Variants in PTPRN2 observed in about 807,000 individuals in gnomAD.
The protein encoded by PTPRN2 is receptor-type tyrosine-protein phosphatase N2.
PTPRN2 carries 74 observed loss-of-function variants against 118.8 expected under a neutral mutation model. The ratio of observed to expected loss-of-function variants is 0.62; its 90% confidence interval spans 0.52 to 0.76. PTPRN2 has a LOEUF of 0.76. PTPRN2 is among the 30% of genes least tolerant of loss of function. The pLI is 0.00. For missense variants in PTPRN2, 1,481 were observed against 1,394.4 expected (o/e 1.06, Z -0.99); for synonymous variants, 641 against 608.0 (o/e 1.05, Z -0.80).
chr7:158,368,974 GT>G (rs1187560383), intron 2 of PTPRN2, among the ~76,000 whole-genome samples: 4 of 152,106 alleles, frequency 2.6e-5, no homozygotes, highest in Non-Finnish European at 4.4e-5. Flanking sequence ...TCACATTTGG[GT>G]CAGTGGACTG....
intron 3 of PTPRN2, 117 bp from the exon 4 acceptor site, chr7:158,205,390 T>A: frequency 1.4e-6 from 1 of 703,356 alleles, no homozygotes; most frequent in African/African-American, 1.8e-5. Context: ...ATCAGCAAAG[T>A]AAGCCTCCCT....
intron 11 of PTPRN2, among the ~76,000 whole-genome samples, chr7:158,075,351 T>C (rs1812258687): frequency 6.6e-6 from 1 of 152,132 alleles, no homozygotes; most frequent in Non-Finnish European, 1.5e-5. Context: ...AACCTCGCCA[T>C]AGTCCTTACC....
At chr7:158,040,293 A>T (rs1808356253) in intron 11 of PTPRN2, among the ~76,000 whole-genome samples, 1 of 152,188 alleles carries the variant, frequency 6.6e-6, no homozygotes, top group African/African-American at 2.4e-5. Flanking sequence ...GGTAAATACA[A>T]CACACACAAA....
intron 6 of PTPRN2, among the ~76,000 whole-genome samples, chr7:158,164,653 G>A (rs1438039590): frequency 1.3e-5 from 2 of 152,172 alleles, no homozygotes; most frequent in Non-Finnish European, 2.9e-5. Flanking sequence ...TGGGGGCGAC[G>A]ATGTTTATTG....
At position 157,840,368 on chromosome 7, in the gene PTPRN2, G is replaced by A. The variant is rs565501205; in HGVS notation, c.1788+58305C>T. On this transcript the variant is annotated intron_variant, in intron 12 of 22. Transcript: ENST00000389418. ...TGGCCGCGTGTGACTGTGTGGCCGC[G>A]TGTGACTGTGTGACCGCGTGTGACT... is the stretch of plus-strand genomic sequence containing the variant. 5.1e-3 allele frequency among the ~76,000 whole-genome samples: 731 copies of A among 144,552 alleles called. 10 individuals carry two copies. The highest frequency in any genetic ancestry group is 0.018 in the African/African-American group (673 of 37,502). 94.8% of individuals were successfully genotyped at this position (144,552 alleles called of 152,430 possible). A position where few individuals can be genotyped will look rare whatever the true frequency, so the allele number is the denominator to read the frequency against.
chr7:158,312,758 CTCA>C (rs1801953038), intron 3 of PTPRN2, among the ~76,000 whole-genome samples: 3 of 145,572 alleles, frequency 2.1e-5, no homozygotes, highest in South Asian at 2.3e-4. Context: ...CATTCACGTG[CTCA>C]TGTGTAGATA....
chr7:157,917,058 C>G (rs1030889683), intron 11 of PTPRN2, among the ~76,000 whole-genome samples: 9 of 149,236 alleles, frequency 6.0e-5, no homozygotes, highest in African/African-American at 2.0e-4. Context: ...AGGTCCCCAC[C>G]ATGGCAGGGG....
chr7:157,691,031 C>G (rs1282698750), intron 12 of PTPRN2, among the ~76,000 whole-genome samples: 2 of 139,578 alleles, frequency 1.4e-5, no homozygotes, highest in Non-Finnish European at 3.1e-5. Flanking sequence ...GGCGGCGGCG[C>G]GGCTCGCGGC....
At chr7:157,822,285 A>C (rs1371730442) in intron 12 of PTPRN2, among the ~76,000 whole-genome samples, 2 of 151,448 alleles carry the variant, frequency 1.3e-5, no homozygotes, top group East Asian at 3.9e-4. Context: ...TAATACACTC[A>C]TGCATCCATC....
intron 6 of PTPRN2, among the ~76,000 whole-genome samples, chr7:158,147,879 T>C (rs1820347709): frequency 7.3e-6 from 1 of 136,306 alleles, no homozygotes; most frequent in Non-Finnish European, 1.6e-5. Context: ...ACACCCCATC[T>C]CACGCCACGT....
At chr7:157,847,741 C>A (rs1340054303) in intron 12 of PTPRN2, among the ~76,000 whole-genome samples, 2 of 144,772 alleles carry the variant, frequency 1.4e-5, no homozygotes, top group African/African-American at 5.2e-5. Context: ...GTCTACAGAG[C>A]CCTCTCTCAC....
At chr7:158,581,726 G>A (rs1285994539) in intron 1 of PTPRN2, among the ~76,000 whole-genome samples, 1 of 152,152 alleles carries the variant, frequency 6.6e-6, no homozygotes, top group Non-Finnish European at 1.5e-5. Flanking sequence ...CAAAGGAAGT[G>A]AAATGCCCTC....
intron 2 of PTPRN2, among the ~76,000 whole-genome samples, chr7:158,329,922 G>A (rs1022530625): frequency 3.9e-5 from 6 of 152,034 alleles, no homozygotes; most frequent in Non-Finnish European, 8.8e-5. Flanking sequence ...CTGGCAGAGT[G>A]TCCTATTCTG....
chr7:158,412,846 C>G (rs1197912574), intron 2 of PTPRN2, among the ~76,000 whole-genome samples: 2 of 143,250 alleles, frequency 1.4e-5, no homozygotes, highest in African/African-American at 2.6e-5. Flanking sequence ...CCATCCAGTG[C>G]CCTCCTCAGC....
intron 12 of PTPRN2, among the ~76,000 whole-genome samples, chr7:157,697,970 C>A (rs71200514): frequency 6.0e-5 from 9 of 149,700 alleles, no homozygotes; most frequent in Admixed American, 1.3e-4. Flanking sequence ...TGGATCTTAG[C>A]AGAGCCCTCA....
rs906299559 is a variant in PTPRN2 at position 158,509,860 on chromosome 7, TTAGA to T, written c.113-20079_113-20076del. ...AGGGCTGTAAGTGATTTGGTGCATC[TTAGA>T]TAGTCATTCCACCCGGCAAGCACCA... On this transcript the variant is annotated intron_variant, in intron 1 of 22. Transcript: ENST00000389418. The surrounding 1 kb of genome is among the most constrained non-coding windows in gnomAD (Gnocchi z 4.4). Among the ~76,000 whole-genome samples, 26 of 152,212 alleles carry T rather than the reference TTAGA, an allele frequency of 1.7e-4. No individual in the cohort carries two copies. The highest frequency in any genetic ancestry group is 2.6e-4 in the Non-Finnish European group (18 of 68,030).
chr7:157,568,194 C>T (rs1799580129), intron 21 of PTPRN2, among the ~76,000 whole-genome samples: 2 of 152,228 alleles, frequency 1.3e-5, no homozygotes, highest in Non-Finnish European at 1.5e-5. Context: ...TTCCACGCTG[C>T]TGCTGGACCC....
rs1800966957 is a variant in PTPRN2, at chr7:157,591,205, G to T, written c.2496+4033C>A. 6.6e-6 allele frequency among the ~76,000 whole-genome samples: 1 copy of T among 152,190 alleles called. No homozygotes were observed. Among genetic ancestry groups the T allele is most frequent in the Non-Finnish European group, 1.5e-5 (1 of 68,040 alleles). The stretch of plus-strand genomic sequence containing the variant: ...TTCGAATCCCCCAAGGAGTGCACGG[G>T]CCTGGGGCAGACACGGCCATCTTTC... On this transcript the variant is annotated intron_variant, in intron 17 of 22. Coordinates refer to ENST00000389418, the MANE Select transcript of PTPRN2 (RefSeq NM_002847.5). The surrounding 1 kb of genome is among the most constrained non-coding windows in gnomAD (Gnocchi z 4.4).
At chr7:157,633,119 T>C (rs1345984115) in intron 14 of PTPRN2, among the ~76,000 whole-genome samples, 1 of 151,788 alleles carries the variant, frequency 6.6e-6, no homozygotes, top group African/African-American at 2.4e-5. Flanking sequence ...CTCATGTGGC[T>C]CATTTCTTTA....
Sources: allele counts gnomAD v4.1 joint callset (sites outside exome capture counted in the v4.1 genomes callset), GRCh38; gene constraint gnomAD v4.1.1; non-coding constraint Gnocchi (gnomAD v3.1); transcripts MANE v1.5; gene names NCBI Gene and HGNC (gene_info 2026-07-23, HGNC 2026-07-21).